The following PDZRN4 variants were observed in gnomAD, a reference collection of about 807,000 sequenced individuals.
PDZRN4 encodes the protein PDZ domain-containing RING finger protein 4.
Under a neutral mutation model 99.0 loss-of-function variants are expected in PDZRN4, and 70 were observed. The ratio of observed to expected loss-of-function variants is 0.71; its 90% CI spans 0.58 to 0.86. The LOEUF is 0.86. Ranked by LOEUF, PDZRN4 falls within the 40% of genes least tolerant of loss-of-function variation. The pLI, the probability that PDZRN4 is intolerant of heterozygous loss-of-function variation, is 0.00. For missense variants in PDZRN4, 1,474 were observed against 1,331.2 expected, an observed-to-expected ratio of 1.11 and a Z score of -1.67; for synonymous variants, 551 against 501.6, an observed-to-expected ratio of 1.10 and a Z score of -1.32.
At chr12:41,568,103 A>C (rs1054421505) in intron 9 of PDZRN4, among the ~76,000 whole-genome samples, 16 of 152,206 alleles carry the variant, frequency 1.1e-4, no homozygotes, top group African/African-American at 3.9e-4. Flanking sequence ...CCAGTTTGGG[A>C]AGCTTGGGGA....
At chr12:41,490,060 T>TA (rs35470087) in intron 3 of PDZRN4, among the ~76,000 whole-genome samples, 10,250 of 151,486 alleles carry the variant, frequency 0.068, 397 homozygotes, top group South Asian at 0.15. Context: ...GTGACCTTAG[T>TA]AAAAAAAAAT....
chr12:41,493,603 G>A (rs1352957851), intron 3 of PDZRN4, among the ~76,000 whole-genome samples: 5 of 152,134 alleles, frequency 3.3e-5, no homozygotes, highest in Non-Finnish European at 7.3e-5. Context: ...GTACACGCAT[G>A]CTCTCAGATA....
chr12:41,544,842 C>A (rs1938918895), intron 5 of PDZRN4, among the ~76,000 whole-genome samples: 1 of 152,144 alleles, frequency 6.6e-6, no homozygotes, highest in Non-Finnish European at 1.5e-5. Flanking sequence ...GAGGAAGGTG[C>A]TGTTTAGAAT....
intron 3 of PDZRN4, among the ~76,000 whole-genome samples, chr12:41,324,266 C>CA (rs560871131): frequency 1.6e-3 from 239 of 150,604 alleles, no homozygotes; most frequent in African/African-American, 4.7e-3. Context: ...TCTTACTATA[C>CA]AAAAAAAAAT....
intron 3 of PDZRN4, among the ~76,000 whole-genome samples, chr12:41,360,190 C>CTATGTTCATAGAGCTAT (rs1318706707): frequency 2.8e-4 from 43 of 152,060 alleles, no homozygotes; most frequent in African/African-American, 1.0e-3. Flanking sequence ...CTATGCTATG[C>CTATGTTCATAGAGCTAT]TATGTTCATA....
chr12:41,188,899 G>T lies in PDZRN4; in HGVS notation c.444G>T (p.Gly148=). The T allele has an allele frequency of 9.1e-7, 1 of 1,094,952 alleles. No homozygotes were observed. The highest frequency in any genetic ancestry group is 1.1e-6 in the Non-Finnish European group (1 of 902,358). The allele number at this position is 1,094,952 out of a possible 1,614,324, so 67.8% of individuals were successfully genotyped here. A position where few individuals can be genotyped will look rare whatever the true frequency, so the allele number is the denominator to read the frequency against. The change falls in exon 1 of 10, where the codon GGG becomes GGT. Residue 148 remains glycine, a synonymous_variant. Coordinates refer to ENST00000402685, the MANE Select transcript of PDZRN4 (RefSeq NM_001164595.2). ...RAGRGGGARG[G]PPGGRWGRGR... ...GCCGGGGCGGGGGCGCGCGCGGGGG[G>T]CCGCCGGGCGGCCGCTGGGGCCGCG... is the stretch of plus-strand genomic sequence containing the variant.
chr12:41,305,849 C>T (rs1173940474), intron 3 of PDZRN4, among the ~76,000 whole-genome samples: 1 of 152,122 alleles, frequency 6.6e-6, no homozygotes, highest in Non-Finnish European at 1.5e-5. Flanking sequence ...ATTATTCCAG[C>T]ATCAACTTTT....
intron 3 of PDZRN4, among the ~76,000 whole-genome samples, chr12:41,416,122 A>G (rs938069019): frequency 6.6e-6 from 1 of 152,176 alleles, no homozygotes; most frequent in African/African-American, 2.4e-5. Context: ...GGACATAAAC[A>G]TAGTGTAAAT....
At chr12:41,365,579 T>C (rs1951993821) in intron 3 of PDZRN4, among the ~76,000 whole-genome samples, 2 of 152,178 alleles carry the variant, frequency 1.3e-5, no homozygotes, top group African/African-American at 4.8e-5. Flanking sequence ...AGAAAGGGTG[T>C]TGTGTTGACG....
chr12:41,545,975 A>C (rs1311667996), intron 5 of PDZRN4, among the ~76,000 whole-genome samples: 1 of 152,270 alleles, frequency 6.6e-6, no homozygotes, highest in East Asian at 1.9e-4. Context: ...AACGTCATCA[A>C]CTAAGAGTGG....
intron 3 of PDZRN4, among the ~76,000 whole-genome samples, chr12:41,407,402 T>C (rs1489793287): frequency 6.6e-6 from 1 of 152,194 alleles, no homozygotes; most frequent in Middle Eastern, 3.2e-3. Flanking sequence ...ACAGCATAGT[T>C]ACCATGGCAA....
At chr12:41,524,141 G>C (rs1938533137) in intron 5 of PDZRN4, among the ~76,000 whole-genome samples, 1 of 152,132 alleles carries the variant, frequency 6.6e-6, no homozygotes. Flanking sequence ...TTAGGAATAA[G>C]TATAGCCAAG....
chr12:41,469,092 C>A (rs1952961184), intron 3 of PDZRN4, among the ~76,000 whole-genome samples: 1 of 152,058 alleles, frequency 6.6e-6, no homozygotes. Context: ...CTGTGTGGTA[C>A]TAGGTTTCCT....
At chr12:41,303,345 G>T (rs1202754411) in intron 3 of PDZRN4, among the ~76,000 whole-genome samples, 3 of 152,136 alleles carry the variant, frequency 2.0e-5, no homozygotes, top group African/African-American at 7.2e-5. Flanking sequence ...GTGATTTCCA[G>T]CTAGCCTGTG....
At chr12:41,263,479 C>A (rs1487455350) in intron 3 of PDZRN4, among the ~76,000 whole-genome samples, 1 of 152,056 alleles carries the variant, frequency 6.6e-6, no homozygotes, top group East Asian at 1.9e-4. Context: ...TTGAGGTCAG[C>A]AGTTCAGGAA....
At chr12:41,381,246 T>A (rs1475497593) in intron 3 of PDZRN4, among the ~76,000 whole-genome samples, 1 of 152,188 alleles carries the variant, frequency 6.6e-6, no homozygotes, top group Non-Finnish European at 1.5e-5. Context: ...CTCATGAATC[T>A]GGATGTCCAT....
At chr12:41,539,369 TTA>T (rs1938807834) in intron 5 of PDZRN4, among the ~76,000 whole-genome samples, 1 of 152,064 alleles carries the variant, frequency 6.6e-6, no homozygotes, top group African/African-American at 2.4e-5. Flanking sequence ...ATTTCACAGT[TTA>T]ATTTATTTGA....
At chr12:41,351,810 T>C (rs1432970008) in intron 3 of PDZRN4, among the ~76,000 whole-genome samples, 2 of 151,900 alleles carry the variant, frequency 1.3e-5, no homozygotes, top group African/African-American at 2.4e-5. Context: ...ACACTCAATA[T>C]CAAACAGGTG....
intron 3 of PDZRN4, among the ~76,000 whole-genome samples, chr12:41,385,185 C>T (rs1025627252): frequency 7.2e-5 from 11 of 152,012 alleles, no homozygotes; most frequent in African/African-American, 2.4e-4. Flanking sequence ...TAAAGAAAAA[C>T]AAAGCAAGCT....
Sources: gnomAD v4.1 joint callset for allele counts (sites outside exome capture counted in the v4.1 genomes callset) on GRCh38, gnomAD v4.1.1 for gene constraint, MANE v1.5 for transcripts, NCBI Gene and HGNC (gene_info 2026-07-23, HGNC 2026-07-21) for gene names.